SLC35E2B: variants seen among roughly 807,000 people sequenced by gnomAD.
SLC35E2B encodes the protein solute carrier family 35, member E2B.
In SLC35E2B, 18 loss-of-function variants were observed where a neutral mutation model predicts 32.4. That is an observed-to-expected ratio of 0.56 (90% CI 0.38 to 0.82). SLC35E2B has a LOEUF of 0.82. Among genes scored for constraint, SLC35E2B ranks in the 40% least tolerant of loss-of-function variants. The probability of loss-of-function intolerance (pLI) is 0.00; values close to 1 mark genes in which losing one functional copy is unlikely to be tolerated. For missense variants in SLC35E2B, 263 were observed against 469.5 expected, an observed-to-expected ratio of 0.56 and a Z score of 4.06; for synonymous variants, 132 against 209.1, an observed-to-expected ratio of 0.63 and a Z score of 3.18.
intron 5 of SLC35E2B, among the ~76,000 whole-genome samples, chr1:1,674,828 C>T (rs1643800186): frequency 6.6e-6 from 1 of 152,112 alleles, no homozygotes; most frequent in African/African-American, 2.4e-5. Context: ...CTTAAATAAG[C>T]GAACACGTGT....
intron 5 of SLC35E2B, 118 bp downstream of exon 5, chr1:1,675,345 G>A (rs1418006102): frequency 1.5e-6 from 1 of 676,466 alleles, no homozygotes; most frequent in African/African-American, 1.8e-5. Context: ...GCCAGTGTGG[G>A]CACCACTCTG....
rs1328382878 is a variant in SLC35E2B, at chr1:1,663,203, A to G, written c.*2579T>C. 9 of 935,920 alleles carry G rather than the reference A, an allele frequency of 9.6e-6. No individual in the cohort carries two copies. Among genetic ancestry groups the G allele is most frequent in the Non-Finnish European group, 1.1e-5 (9 of 784,636 alleles). The allele number at this position is 935,920 out of a possible 1,614,324, so 58.0% of individuals were successfully genotyped here. ...ATTACCCTATTTGCTAATCCTTTGG[A>G]AAAACGTTTGTTTCTGGTCCACAAA... is the stretch of plus-strand genomic sequence containing the variant. On this transcript the variant is annotated 3_prime_UTR_variant, in exon 10 of 10. Transcript: ENST00000617444.
At chr1:1,670,373 C>G (rs1195038392) in intron 6 of SLC35E2B, 4 of 466,240 alleles carry the variant, frequency 8.6e-6, no homozygotes, top group Non-Finnish European at 1.5e-5. Context: ...CCACCCGCCT[C>G]AGCCTCCCAA....
At position 1,665,944 on chromosome 1, in the gene SLC35E2B, C is replaced by A. The variant is rs762935324; in HGVS notation, c.1056G>T (p.Leu352Phe). 2.1e-5 allele frequency: 33 copies of A among 1,551,450 alleles called. No individual in the cohort carries two copies. In the Middle Eastern group the frequency reaches 6.7e-4, roughly 31 times the overall value. The change falls in exon 10 of 10, where the codon TTG becomes TTT. Residue 352 changes from leucine (L) to phenylalanine (F), a missense_variant. Transcript: ENST00000617444. ...VIVFGNKITSLSAVGTALVTV... is the reference protein window; with the variant it reads ...VIVFGNKITSFSAVGTALVTV... ...TCACCAGGGCTGTGCCAACGGCCGA[C>A]AAGCTGGTGATCTTGTTGCCGAAAA...
At position 1,662,389 on chromosome 1, in the gene SLC35E2B, G is replaced by A; in HGVS notation, c.*3393C>T. ...TTGGACACATGTAAAAAGCTGTCTT[G>A]TTGGCCTGTTATTCCCACTGACCCG... On this transcript the variant is annotated 3_prime_UTR_variant, in exon 10 of 10. Coordinates refer to ENST00000617444, the MANE Select transcript of SLC35E2B (RefSeq NM_001290264.2). The A allele has an allele frequency of 6.7e-6, 6 of 890,638 alleles. No homozygotes were observed. Among genetic ancestry groups the A allele is most frequent in the African/African-American group, 2.2e-5 (1 of 45,380 alleles). The allele number at this position is 890,638 out of a possible 1,614,324, so 55.2% of individuals were successfully genotyped here. A position where few individuals can be genotyped will look rare whatever the true frequency, so the allele number is the denominator to read the frequency against.
In SLC35E2B at chr1:1,669,693, T is replaced by C; in HGVS notation, c.805A>G (p.Met269Val). ...AAGAAAACCCGGGCCGGGACGAGCA[T>C]GGCCACCGCAGCGGCGCTGGTGTAG... Reference protein sequence around the residue: ...QFYTSAAAVAMLVPARVFFTD... With the variant: ...QFYTSAAAVAVLVPARVFFTD... The change falls in exon 8 of 10, where the codon ATG becomes GTG. Residue 269 changes from methionine (M) to valine (V), a missense_variant. Physicochemically the swap from Met to Val is conservative, Grantham distance 21. Around this residue, in one of 7 missense-constraint regions of SLC35E2B, gnomAD observed 129 missense variants for 164.5 expected, o/e 0.78. Coordinates refer to ENST00000617444, the MANE Select transcript of SLC35E2B (RefSeq NM_001290264.2). 1.1e-5 allele frequency: 17 copies of C among 1,534,076 alleles called. No individual in the cohort carries two copies. Among genetic ancestry groups the C allele is most frequent in the Non-Finnish European group, 1.5e-5 (17 of 1,134,212 alleles).
intron 5 of SLC35E2B, chr1:1,672,602 T>G (rs1261416497): frequency 2.6e-5 from 4 of 152,262 alleles, no homozygotes; most frequent in Admixed American, 6.5e-5. Flanking sequence ...GGCTTGCTGC[T>G]GCTGTTGACA....
chr1:1,670,070 G>A (rs1196932869), intron 7 of SLC35E2B, 28 bp downstream of exon 7: 2 of 1,535,268 alleles, frequency 1.3e-6, no homozygotes, highest in South Asian at 1.2e-5. Flanking sequence ...CTTATGACTT[G>A]GAGATTTCAC....
At chr1:1,678,346 T>C (rs1643871310) in intron 2 of SLC35E2B, among the ~76,000 whole-genome samples, 9 of 152,052 alleles carry the variant, frequency 5.9e-5, no homozygotes, top group Admixed American at 5.9e-4. Context: ...TGCCCAGCAG[T>C]GCTCAGAGGT....
At position 1,665,208 on chromosome 1, in the gene SLC35E2B, G is replaced by C. The variant is rs1164593109; in HGVS notation, c.*574C>G. 1 of 189,180 alleles carries C rather than the reference G, an allele frequency of 5.3e-6. No individual in the cohort carries two copies. The highest frequency in any genetic ancestry group is 1.3e-4 in the East Asian group (1 of 7,510). 11.7% of individuals were successfully genotyped at this position (189,180 alleles called of 1,614,324 possible). The stretch of plus-strand genomic sequence containing the variant: ...AGCTTGAGGCTTGCGATGCCTCTGG[G>C]ATAGTCTGAGGATGCCCACAGCCCT... On this transcript the variant is annotated 3_prime_UTR_variant, in exon 10 of 10. Transcript: ENST00000617444.
chr1:1,682,525 A>C (rs941388134), intron 2 of SLC35E2B, among the ~76,000 whole-genome samples: 4 of 152,036 alleles, frequency 2.6e-5, no homozygotes, highest in Admixed American at 2.6e-4. Context: ...GACGAATCAC[A>C]GACAGAAACG....
chr1:1,690,730 G>A (rs1486265435), intron 2 of SLC35E2B, among the ~76,000 whole-genome samples: 1 of 75,970 alleles, frequency 1.3e-5, no homozygotes, highest in Non-Finnish European at 2.5e-5. Flanking sequence ...GCAAGACTCC[G>A]TCTCAAAAAG....
At position 1,670,132 on chromosome 1, in the gene SLC35E2B, T is replaced by C. The variant is rs1570316014; in HGVS notation, c.727A>G (p.Lys243Glu). Residue 243 changes from lysine (K) to glutamate (E), a missense_variant, in exon 7 of 10, where the codon AAA (lysine) becomes GAA (glutamate). Physicochemically the swap from Lys to Glu is moderately conservative, Grantham distance 56 (BLOSUM62 1). This residue lies in a region of SLC35E2B where 129 missense variants were observed against 164.5 expected (regional missense o/e 0.78). Coordinates refer to ENST00000617444, the MANE Select transcript of SLC35E2B (RefSeq NM_001290264.2). ...TATTTGTCCCCGCTGAGCAGCTTTT[T>C]TGAAAAAACATTTTGCAAACTAGAA... Reference protein sequence around the residue: ...IMDCLQNVFSKKLLSGDKYRF... With the variant: ...IMDCLQNVFSEKLLSGDKYRF... 1 of 1,551,610 alleles carries C rather than the reference T, an allele frequency of 6.4e-7. No individual in the cohort carries two copies. The highest frequency in any genetic ancestry group is 1.4e-5 in the African/African-American group (1 of 72,982).
At chr1:1,686,813 T>C (rs1020654682) in intron 2 of SLC35E2B, among the ~76,000 whole-genome samples, 1 of 151,018 alleles carries the variant, frequency 6.6e-6, no homozygotes, top group Non-Finnish European at 1.5e-5. Flanking sequence ...TCCCAGCACT[T>C]TGGGAGTCCA....
intron 2 of SLC35E2B, among the ~76,000 whole-genome samples, chr1:1,689,970 G>A (rs1282422596): frequency 2.1e-5 from 3 of 144,170 alleles, no homozygotes; most frequent in African/African-American, 7.7e-5. Flanking sequence ...CTGGGCAACA[G>A]GGTGAGACCC....
At chr1:1,681,698 G>A (rs1259528639) in intron 2 of SLC35E2B, among the ~76,000 whole-genome samples, 1 of 148,570 alleles carries the variant, frequency 6.7e-6, no homozygotes, top group Non-Finnish European at 1.5e-5. Context: ...GAAGAGATAG[G>A]ATTTAGGCCG....
At chr1:1,666,135 T>C in intron 9 of SLC35E2B, 116 bp from the exon 10 acceptor site, 6 of 1,236,384 alleles carry the variant, frequency 4.9e-6, no homozygotes, top group Non-Finnish European at 6.6e-6. Context: ...GGACTCAGCG[T>C]CACGGTGACA....
At chr1:1,666,962 G>A (rs1466593439) in intron 9 of SLC35E2B, among the ~76,000 whole-genome samples, 2 of 144,270 alleles carry the variant, frequency 1.4e-5, no homozygotes, top group South Asian at 2.3e-4. Flanking sequence ...AAAATTAGCC[G>A]GGCATGGTGG....
At chr1:1,666,065 T>G in intron 9 of SLC35E2B, 46 bp from the exon 10 acceptor site, 1 of 1,518,192 alleles carries the variant, frequency 6.6e-7, no homozygotes, top group Non-Finnish European at 8.9e-7. Flanking sequence ...GGCTATGGTC[T>G]CCTCAGCCCG....
Sources: allele counts gnomAD v4.1 joint callset (sites outside exome capture counted in the v4.1 genomes callset), GRCh38; gene constraint gnomAD v4.1.1; regional missense constraint gnomAD v4.1.1; transcripts MANE v1.5; gene names NCBI Gene and HGNC (gene_info 2026-07-23, HGNC 2026-07-21).